The following OSBPL10 variants were observed in gnomAD, a reference collection of about 807,000 sequenced individuals.
The protein encoded by OSBPL10 is oxysterol binding protein like 10.
A neutral mutation model predicts 81.7 loss-of-function variants in OSBPL10; 49 were observed. The observed-to-expected ratio is 0.60, with a 90% CI of 0.48 to 0.76. OSBPL10 has a LOEUF of 0.76. Among genes scored for constraint, OSBPL10 ranks in the 30% least tolerant of loss-of-function variants. OSBPL10 has a pLI of 0.00. For synonymous variants in OSBPL10, 419 were observed against 383.6 expected (o/e 1.09, Z -1.08); for missense variants, 923 against 987.8 (o/e 0.93, Z 0.88).
intron 1 of OSBPL10, among the ~76,000 whole-genome samples, chr3:31,898,950 C>CATT (rs1696145554): frequency 9.0e-6 from 1 of 111,300 alleles, no homozygotes; most frequent in African/African-American, 3.4e-5. Context: ...TAACTTTAAA[C>CATT]CTTTTTTTTT....
At chr3:31,677,256 G>C (rs1211914301) in intron 8 of OSBPL10, among the ~76,000 whole-genome samples, 1 of 152,182 alleles carries the variant, frequency 6.6e-6, no homozygotes, top group African/African-American at 2.4e-5. Flanking sequence ...TCGAAGTTTG[G>C]AGATTCTTAG....
chr3:31,997,841 G>A (rs570104069), intron 2 of OSBPL10, among the ~76,000 whole-genome samples: 35 of 152,220 alleles, frequency 2.3e-4, no homozygotes, highest in Middle Eastern at 6.8e-3. Context: ...GAGTGGGAGT[G>A]CATTGGCACA....
chr3:31,677,084 A>T (rs1700499139), intron 8 of OSBPL10, among the ~76,000 whole-genome samples: 1 of 152,218 alleles, frequency 6.6e-6, no homozygotes, highest in African/African-American at 2.4e-5. Flanking sequence ...GGACCCATGT[A>T]AGACCTCATT....
chr3:31,789,804 T>A (rs1698965944), intron 4 of OSBPL10, among the ~76,000 whole-genome samples: 1 of 152,208 alleles, frequency 6.6e-6, no homozygotes, highest in South Asian at 2.1e-4. Context: ...TTAGGGATCA[T>A]GAGGATGACT....
chr3:31,720,109 C>T (rs1039909107), intron 6 of OSBPL10, among the ~76,000 whole-genome samples: 2 of 150,294 alleles, frequency 1.3e-5, no homozygotes, highest in African/African-American at 4.9e-5. Context: ...AACAAATTTC[C>T]CATAAAAGAC....
intron 7 of OSBPL10, among the ~76,000 whole-genome samples, chr3:31,692,494 T>C (rs527773270): frequency 6.6e-6 from 1 of 152,136 alleles, no homozygotes; most frequent in South Asian, 2.1e-4. Flanking sequence ...AGTGACAATG[T>C]TGAAAGCTAA....
At chr3:31,744,754 C>T (rs1697467446) in intron 5 of OSBPL10, among the ~76,000 whole-genome samples, 1 of 148,084 alleles carries the variant, frequency 6.8e-6, no homozygotes, top group Non-Finnish European at 1.5e-5. Flanking sequence ...CCCCTGGGCC[C>T]TTAAAAATGC....
intron 3 of OSBPL10, among the ~76,000 whole-genome samples, chr3:31,869,748 T>C (rs1701272829): frequency 6.6e-6 from 1 of 152,236 alleles, no homozygotes; most frequent in Non-Finnish European, 1.5e-5. Flanking sequence ...ACTTTCAGCC[T>C]GTCATTTAGG....
At chr3:31,741,036 T>C (rs1191946595) in intron 5 of OSBPL10, among the ~76,000 whole-genome samples, 1 of 152,158 alleles carries the variant, frequency 6.6e-6, no homozygotes, top group Non-Finnish European at 1.5e-5. Flanking sequence ...TGTCTTAATC[T>C]ATCCTTGGCC....
chr3:31,668,544 T>G (rs532003162), intron 10 of OSBPL10, 98 bp downstream of exon 10: 8 of 1,164,938 alleles, frequency 6.9e-6, no homozygotes, highest in African/African-American at 6.1e-5. Context: ...CTGGCCTGTT[T>G]CCAGTCGCTA....
chr3:31,728,021 A>G lies in OSBPL10; in HGVS notation c.1095+5236T>C, dbSNP rs1696863259. Among the ~76,000 whole-genome samples the G allele has an allele frequency of 2.6e-5, 4 of 152,224 alleles. No homozygotes were observed. The South Asian group carries it at 8.3e-4, about 32-fold the overall frequency. On this transcript the variant is annotated intron_variant, in intron 6 of 11. Transcript: ENST00000396556. ...AGAACTCAGCTAAATCTTTTATATCAGTCTCCTTCCCTTATTCTTAAAACA... is the reference window on the plus strand; with the variant it reads ...AGAACTCAGCTAAATCTTTTATATCGGTCTCCTTCCCTTATTCTTAAAACA...
intron 2 of OSBPL10, among the ~76,000 whole-genome samples, chr3:32,014,071 G>C (rs1414666329): frequency 6.6e-6 from 1 of 152,206 alleles, no homozygotes; most frequent in Non-Finnish European, 1.5e-5. Flanking sequence ...TAGAAAAAGA[G>C]AGAATCCTCA....
At chr3:31,949,936 G>A (rs1697822305) in intron 1 of OSBPL10, among the ~76,000 whole-genome samples, 1 of 152,084 alleles carries the variant, frequency 6.6e-6, no homozygotes, top group African/African-American at 2.4e-5. Flanking sequence ...AAAAATTTTA[G>A]TTGTCAGTTA....
chr3:31,753,124 A>G (rs1300308046), intron 4 of OSBPL10, among the ~76,000 whole-genome samples: 1 of 151,558 alleles, frequency 6.6e-6, no homozygotes, highest in East Asian at 1.9e-4. Flanking sequence ...TCCTTGGTTA[A>G]CGTAGGCACT....
chr3:32,042,821 A>G (rs1309923844), intron 2 of OSBPL10, among the ~76,000 whole-genome samples: 4 of 152,186 alleles, frequency 2.6e-5, no homozygotes, highest in African/African-American at 9.7e-5. Flanking sequence ...CAAAGATCAC[A>G]TGCTTCTGAG....
chr3:31,989,955 C>G (rs754583433), intron 2 of OSBPL10: 3 of 1,613,998 alleles, frequency 1.9e-6, no homozygotes, highest in African/African-American at 2.7e-5. Context: ...ATGAATGTGG[C>G]AAGGTTTTTA....
intron 4 of OSBPL10, chr3:31,797,872 T>C (rs1278314075): frequency 6.7e-6 from 3 of 451,112 alleles, no homozygotes; most frequent in Non-Finnish European, 4.5e-6. Context: ...GGGTGAATGT[T>C]AGATAAAATA....
intron 6 of OSBPL10, among the ~76,000 whole-genome samples, chr3:31,731,881 AAAC>A (rs1443734910): frequency 1.3e-5 from 2 of 152,200 alleles, no homozygotes; most frequent in Non-Finnish European, 2.9e-5. Flanking sequence ...TTTGTGTAAA[AAAC>A]AACAGACCTG....
chr3:31,855,873 C>T (rs547820517), intron 3 of OSBPL10, among the ~76,000 whole-genome samples: 20 of 151,968 alleles, frequency 1.3e-4, no homozygotes, highest in Non-Finnish European at 2.4e-4. Context: ...AGAGGGCTAG[C>T]GATGGAAAAT....
Sources: gnomAD v4.1 joint callset for allele counts (sites outside exome capture counted in the v4.1 genomes callset) on GRCh38, gnomAD v4.1.1 for gene constraint, MANE v1.5 for transcripts, NCBI Gene and HGNC (gene_info 2026-07-23, HGNC 2026-07-21) for gene names.